Variants in POLE2 observed in about 807,000 individuals in gnomAD.
POLE2 encodes the protein DNA polymerase epsilon 2, accessory subunit, also known as DNA polymerase epsilon subunit 2.
In POLE2, 56 loss-of-function variants were observed where a neutral mutation model predicts 79.4. The ratio of observed to expected loss-of-function variants is 0.71; its 90% confidence interval spans 0.57 to 0.88. The LOEUF (loss-of-function observed/expected upper bound fraction) is 0.88, where lower values mean the gene tolerates loss of function less well. Among genes scored for constraint, POLE2 ranks in the 40% least tolerant of loss-of-function variants. The pLI is 0.00. For missense variants in POLE2, 598 were observed against 638.9 expected (o/e 0.94, Z 0.69); for synonymous variants, 212 against 214.0 (o/e 0.99, Z 0.08).
intron 1 of POLE2, among the ~76,000 whole-genome samples, chr14:49,686,205 T>C (rs1887124428): frequency 2.0e-5 from 3 of 152,248 alleles, no homozygotes; most frequent in Middle Eastern, 3.4e-3. Context: ...TTTCTAAAAA[T>C]AGAATATAGC....
intron 15 of POLE2, among the ~76,000 whole-genome samples, chr14:49,653,066 A>G (rs930462921): frequency 3.3e-5 from 5 of 152,228 alleles, no homozygotes; most frequent in African/African-American, 1.2e-4. Flanking sequence ...CAGACCATGA[A>G]GGTGTCATGA....
At chr14:49,650,920 T>C (rs890473224) in intron 16 of POLE2, among the ~76,000 whole-genome samples, 1 of 152,242 alleles carries the variant, frequency 6.6e-6, no homozygotes, top group Admixed American at 6.5e-5. Flanking sequence ...GATATGGACA[T>C]ACTATATAAA....
intron 5 of POLE2, among the ~76,000 whole-genome samples, chr14:49,671,342 G>A (rs1221947744): frequency 2.6e-5 from 4 of 152,126 alleles, no homozygotes; most frequent in Non-Finnish European, 5.9e-5. Flanking sequence ...TACTGAGTTG[G>A]GCACAGTGGC....
At position 49,677,755 on chromosome 14, in the gene POLE2, G is replaced by A. The variant is rs544721108; in HGVS notation, c.245+1970C>T. ...AACTCAGCATCCCACAAAGCCCCAC[G>A]CATTCTTCAGGAGTGTGGCAGCTCC... On this transcript the variant is annotated intron_variant, in intron 3 of 18. Coordinates refer to ENST00000216367, the MANE Select transcript of POLE2 (RefSeq NM_002692.4). 2.0e-4 allele frequency: 260 copies of A among 1,290,102 alleles called. 2 individuals carry two copies. In the South Asian group the frequency reaches 3.7e-3, roughly 18 times the overall value. 79.9% of individuals were successfully genotyped at this position (1,290,102 alleles called of 1,614,324 possible).
intron 6 of POLE2, 82 bp from the exon 7 acceptor site, chr14:49,666,495 G>A: frequency 1.9e-6 from 1 of 534,552 alleles, no homozygotes; most frequent in South Asian, 3.3e-5. Context: ...ACTATATTTG[G>A]GGTATACATT....
intron 17 of POLE2, among the ~76,000 whole-genome samples, chr14:49,647,907 A>G (rs1883902994): frequency 6.6e-6 from 1 of 152,208 alleles, no homozygotes; most frequent in Non-Finnish European, 1.5e-5. Flanking sequence ...ACTTGAAGCA[A>G]AAGTCTTTTG....
In POLE2 at chr14:49,683,673, G is replaced by A; in HGVS notation, c.89C>T (p.Thr30Ile). The change falls in exon 2 of 19, where the codon ACA becomes ATA. Residue 30 changes from threonine (T) to isoleucine (I), a missense_variant. Physicochemically the swap from Thr to Ile is moderately conservative, Grantham distance 89. Coordinates refer to ENST00000216367, the MANE Select transcript of POLE2 (RefSeq NM_002692.4). ...LLRGEAIKYL[T>I]EALQSISELE... ...TTCACTGATAGACTGAAGAGCTTCTGTGAGGTACTTAATAGCTTCACTAAG... is the reference window on the plus strand; with the variant it reads ...TTCACTGATAGACTGAAGAGCTTCTATGAGGTACTTAATAGCTTCACTAAG... 1.3e-6 allele frequency: 2 copies of A among 1,570,438 alleles called. No individual in the cohort carries two copies. The highest frequency in any genetic ancestry group is 1.1e-5 in the South Asian group (1 of 89,082).
rs3218797 is a variant in POLE2, at chr14:49,666,315, T to C, written c.576+15A>G. 0.18 allele frequency: 248,824 copies of C among 1,403,600 alleles called. 24,226 individuals carry two copies. The highest frequency in any genetic ancestry group is 0.25 in the African/African-American group (16,740 of 67,570). The allele number at this position is 1,403,600 out of a possible 1,614,324, so 86.9% of individuals were successfully genotyped here. Reference sequence around the variant, plus strand: ...TCCAAGGCCAAAAATAAAAGTTTGATGCTTATTAAGTTACCTCTTTTAACT... The same window carrying C: ...TCCAAGGCCAAAAATAAAAGTTTGACGCTTATTAAGTTACCTCTTTTAACT... On this transcript the variant is annotated intron_variant, in intron 7 of 18. Coordinates refer to ENST00000216367, the MANE Select transcript of POLE2 (RefSeq NM_002692.4).
intron 10 of POLE2, among the ~76,000 whole-genome samples, chr14:49,661,777 A>G (rs1281705616): frequency 6.6e-6 from 1 of 152,212 alleles, no homozygotes; most frequent in Admixed American, 6.5e-5. Context: ...GAAAATTTAT[A>G]ATCCTAACAA....
chr14:49,687,562 G>A (rs187021927), intron 1 of POLE2, among the ~76,000 whole-genome samples: 78 of 152,070 alleles, frequency 5.1e-4, no homozygotes, highest in African/African-American at 1.8e-3. Context: ...GTTGATAACC[G>A]GCTGCCATAG....
intron 9 of POLE2, among the ~76,000 whole-genome samples, chr14:49,663,754 T>C (rs977978230): frequency 6.6e-6 from 1 of 152,048 alleles, no homozygotes; most frequent in Admixed American, 6.6e-5. Context: ...CAGGGCCGGG[T>C]GCAGTGGCTC....
At chr14:49,655,929 A>G (rs1207801332) in intron 10 of POLE2, 86 bp from the exon 11 acceptor site, 2 of 691,764 alleles carry the variant, frequency 2.9e-6, no homozygotes, top group East Asian at 5.6e-5. Context: ...TTTGTATCTA[A>G]TGAAGTTATT....
chr14:49,655,652 G>GA lies in POLE2; in HGVS notation c.928+18dup. ...ACCCTTAAAAGAGTTCAAGAAAGAA[G>GA]AAAAAAAATAAGACCTACCAGCAAA... On this transcript the variant is annotated intron_variant, in intron 11 of 18. Transcript: ENST00000216367. 1.7e-5 allele frequency: 26 copies of GA among 1,564,846 alleles called. No homozygotes were observed. The highest frequency in any genetic ancestry group is 2.0e-5 in the Admixed American group (1 of 50,904).
rs112776490 is a variant in POLE2 at position 49,643,601 on chromosome 14, TAG to T, written c.*49_*50del. Reference sequence around the variant, plus strand: ...TGTAATATCAGAATCACATAAGATATAGAGTTAAGCAGAAAACTGATGAATTT... The same window carrying T: ...TGTAATATCAGAATCACATAAGATATAGTTAAGCAGAAAACTGATGAATTT... On this transcript the variant is annotated 3_prime_UTR_variant, in exon 19 of 19. Transcript: ENST00000216367. 456 of 953,328 alleles carry T rather than the reference TAG, an allele frequency of 4.8e-4. 4 individuals carry two copies. In the African/African-American group the frequency reaches 5.9e-3, roughly 12 times the overall value. 59.1% of individuals were successfully genotyped at this position (953,328 alleles called of 1,614,324 possible).
chr14:49,651,996 G>A (rs575448125), intron 15 of POLE2, among the ~76,000 whole-genome samples: 1 of 152,162 alleles, frequency 6.6e-6, no homozygotes, highest in South Asian at 2.1e-4. Flanking sequence ...GAGAGGTAAC[G>A]GAGCCAGATA....
chr14:49,664,288 G>C (rs1885314182), intron 9 of POLE2, among the ~76,000 whole-genome samples: 3 of 150,354 alleles, frequency 2.0e-5, no homozygotes, highest in Non-Finnish European at 1.5e-5. Context: ...GGCGGAGGTT[G>C]CAGTGAGCCG....
At chr14:49,668,135 A>C (rs1885618214) in intron 6 of POLE2, among the ~76,000 whole-genome samples, 1 of 151,908 alleles carries the variant, frequency 6.6e-6, no homozygotes, top group African/African-American at 2.4e-5. Context: ...TTAGTTGGGC[A>C]TGGTGGTGTG....
intron 18 of POLE2, among the ~76,000 whole-genome samples, chr14:49,646,303 T>TTTTTTTTG (rs1566522612): frequency 2.3e-4 from 7 of 30,592 alleles, no homozygotes; most frequent in African/African-American, 5.0e-4. Context: ...TTTTTGTTGG[T>TTTTTTTTG]TTTTTTTTTT....
intron 10 of POLE2, among the ~76,000 whole-genome samples, chr14:49,656,310 T>A (rs961951370): frequency 1.3e-5 from 2 of 149,674 alleles, no homozygotes; most frequent in African/African-American, 4.9e-5. Context: ...GAGCCGAGAT[T>A]GCGCCACTGC....
Sources: gnomAD v4.1 joint callset for allele counts (sites outside exome capture counted in the v4.1 genomes callset) on GRCh38, gnomAD v4.1.1 for gene constraint, MANE v1.5 for transcripts, NCBI Gene and HGNC (gene_info 2026-07-23, HGNC 2026-07-21) for gene names.